The following JAK2 variants were observed in gnomAD, a reference collection of about 807,000 sequenced individuals.
The protein encoded by JAK2 is Janus kinase 2.
In JAK2, 86 loss-of-function variants were observed where a neutral mutation model predicts 139.3. The observed-to-expected ratio is 0.62, with a 90% CI of 0.52 to 0.74. JAK2 has a LOEUF of 0.74. Ranked by LOEUF, JAK2 falls within the 30% of genes least tolerant of loss-of-function variation. The probability of loss-of-function intolerance (pLI) is 0.00; values close to 1 mark genes in which losing one functional copy is unlikely to be tolerated. For synonymous variants in JAK2, 490 were observed against 437.7 expected (o/e 1.12, Z -1.49); for missense variants, 1,421 against 1,360.3 (o/e 1.04, Z -0.70).
intron 5 of JAK2, among the ~76,000 whole-genome samples, chr9:5,046,284 T>C (rs1191187207): frequency 3.3e-5 from 5 of 152,192 alleles, no homozygotes; most frequent in Admixed American, 6.5e-5. Flanking sequence ...TGTTATATTA[T>C]AGAAATTATT....
At chr9:5,015,710 T>A (rs924215355) in intron 2 of JAK2, among the ~76,000 whole-genome samples, 1 of 152,136 alleles carries the variant, frequency 6.6e-6, no homozygotes, top group Admixed American at 6.6e-5. Context: ...GAGTCACTTA[T>A]TCTTTTGATT....
At chr9:5,064,616 G>A (rs957441322) in intron 8 of JAK2, among the ~76,000 whole-genome samples, 1 of 152,144 alleles carries the variant, frequency 6.6e-6, no homozygotes, top group Non-Finnish European at 1.5e-5. Context: ...GAGATAACTG[G>A]TATATTAGTC....
intron 4 of JAK2, among the ~76,000 whole-genome samples, chr9:5,040,510 A>G (rs186335676): frequency 7.2e-5 from 11 of 152,366 alleles, no homozygotes; most frequent in Admixed American, 2.0e-4. Flanking sequence ...AAAATGCGAA[A>G]AGACCACCCA....
Position 5,078,365 on chromosome 9 carries a change from A to AGAAGACAG in JAK2, c.2064_2071dup (p.Asn691ArgfsTer43). The AGAAGACAG allele has an allele frequency of 1.2e-6, 2 of 1,612,876 alleles. No individual in the cohort carries two copies. The highest frequency in any genetic ancestry group is 1.7e-6 in the Non-Finnish European group (2 of 1,179,038). On this transcript the variant is annotated frameshift_variant, in exon 16 of 25. Transcript: ENST00000381652. LOFTEE classifies it high-confidence loss of function. ...CCAAAAATATTCTGCTTATCAGAGA[A>AGAAGACAG]GAAGACAGGAAGACAGGAAATCCTC...
At chr9:5,048,889 G>A (rs1817217629) in intron 5 of JAK2, among the ~76,000 whole-genome samples, 1 of 152,088 alleles carries the variant, frequency 6.6e-6, no homozygotes, top group Non-Finnish European at 1.5e-5. Flanking sequence ...GTTATTTTAG[G>A]TAATATGGCT....
rs967108476 is a variant in JAK2 at position 5,106,787 on chromosome 9, A to T, written c.3059+15876A>T. Among the ~76,000 whole-genome samples, 18 of 152,322 alleles carry T rather than the reference A, an allele frequency of 1.2e-4. 1 individual carries two copies. The highest frequency in any genetic ancestry group is 4.1e-4 in the African/African-American group (17 of 41,552). On this transcript the variant is annotated intron_variant, in intron 22 of 24. Coordinates refer to ENST00000381652, the MANE Select transcript of JAK2 (RefSeq NM_004972.4). Reference sequence around the variant, plus strand: ...AGCTGGAAACCATCATTCTCAGCAAACTAGCGCAAGGACAGAAAAGCAAAC... The same window carrying T: ...AGCTGGAAACCATCATTCTCAGCAATCTAGCGCAAGGACAGAAAAGCAAAC...
intron 2 of JAK2, among the ~76,000 whole-genome samples, chr9:4,993,667 G>A (rs1354706105): frequency 6.6e-6 from 1 of 152,130 alleles, no homozygotes; most frequent in Non-Finnish European, 1.5e-5. Context: ...GTCTCCTTGA[G>A]GGCTCTTAGG....
chr9:5,063,032 G>GT (rs1326030833), intron 8 of JAK2, among the ~76,000 whole-genome samples: 1 of 151,852 alleles, frequency 6.6e-6, no homozygotes, highest in Non-Finnish European at 1.5e-5. Flanking sequence ...TATAGTACTT[G>GT]TTTTTTTGGC....
intron 6 of JAK2, among the ~76,000 whole-genome samples, chr9:5,052,242 GATTGT>G (rs1013327274): frequency 6.6e-6 from 1 of 152,104 alleles, no homozygotes; most frequent in African/African-American, 2.4e-5. Flanking sequence ...TTTCTATGTA[GATTGT>G]AGTTTCTTCC....
intron 4 of JAK2, chr9:5,041,879 C>T (rs550899269): frequency 1.2e-5 from 5 of 434,672 alleles, no homozygotes; most frequent in African/African-American, 8.2e-5. Flanking sequence ...GCCACTCCAG[C>T]GCCCATCAGG....
intron 4 of JAK2, among the ~76,000 whole-genome samples, chr9:5,040,786 T>A (rs7871070): frequency 0.35 from 52,600 of 152,124 alleles, 9,793 homozygotes; most frequent in African/African-American, 0.49. Flanking sequence ...TAACATGCGG[T>A]GGCTGGCCCA....
At chr9:5,086,919 A>G (rs1820160287) in intron 19 of JAK2, among the ~76,000 whole-genome samples, 1 of 152,172 alleles carries the variant, frequency 6.6e-6, no homozygotes, top group African/African-American at 2.4e-5. Flanking sequence ...GGTATCCACA[A>G]TTATATCACC....
chr9:4,998,500 C>T (rs1028008014), intron 2 of JAK2, among the ~76,000 whole-genome samples: 1 of 152,154 alleles, frequency 6.6e-6, no homozygotes, highest in Non-Finnish European at 1.5e-5. Context: ...CGTGATCCGC[C>T]CGCCTTGGCC....
chr9:5,037,057 C>A (rs941929902), intron 4 of JAK2, among the ~76,000 whole-genome samples: 28 of 152,294 alleles, frequency 1.8e-4, no homozygotes, highest in Non-Finnish European at 3.4e-4. Context: ...AGGATACGAA[C>A]AGACACTTCT....
At chr9:5,007,564 A>T (rs1821389204) in intron 2 of JAK2, among the ~76,000 whole-genome samples, 2 of 152,104 alleles carry the variant, frequency 1.3e-5, no homozygotes, top group South Asian at 4.1e-4. Flanking sequence ...TAAAATATTA[A>T]GTAATCATTG....
chr9:5,122,634 T>A (rs960996170), intron 22 of JAK2, among the ~76,000 whole-genome samples: 1 of 152,082 alleles, frequency 6.6e-6, no homozygotes, highest in African/African-American at 2.4e-5. Flanking sequence ...ACTCAGCATA[T>A]ATCCATATTC....
intron 2 of JAK2, among the ~76,000 whole-genome samples, chr9:4,988,836 C>T (rs181676277): frequency 1.3e-5 from 2 of 152,296 alleles, no homozygotes; most frequent in South Asian, 2.1e-4. Context: ...TTCTTCTAAT[C>T]ATGTAGGCTT....
chr9:5,081,666 G>T (rs1390149967), intron 18 of JAK2, 59 bp from the exon 19 acceptor site: 3 of 1,265,492 alleles, frequency 2.4e-6, no homozygotes, highest in South Asian at 2.5e-5. Context: ...ATGTATATCA[G>T]TTTAGTCCAG....
chr9:5,047,170 T>C (rs1817066688), intron 5 of JAK2, among the ~76,000 whole-genome samples: 1 of 152,224 alleles, frequency 6.6e-6, no homozygotes, highest in Non-Finnish European at 1.5e-5. Flanking sequence ...GTATTTAGAT[T>C]ACTCTAAGAT....
Sources: allele counts gnomAD v4.1 joint callset (sites outside exome capture counted in the v4.1 genomes callset), GRCh38; gene constraint gnomAD v4.1.1; transcripts MANE v1.5; gene names NCBI Gene and HGNC (gene_info 2026-07-23, HGNC 2026-07-21).